SLC51A: variants seen among roughly 807,000 people sequenced by gnomAD.
The protein encoded by SLC51A is organic solute transporter subunit alpha.
A neutral mutation model predicts 34.8 loss-of-function variants in SLC51A; 22 were observed. That is an observed-to-expected ratio of 0.63 (90% CI 0.45 to 0.90). The LOEUF (loss-of-function observed/expected upper bound fraction) is 0.90. Ranked by LOEUF, SLC51A falls within the 40% of genes least tolerant of loss-of-function variation. The pLI is 0.00. For missense variants in SLC51A, 371 were observed against 414.8 expected (o/e 0.89, Z 0.92); for synonymous variants, 181 against 176.3 (o/e 1.03, Z -0.21).
intron 1 of SLC51A, among the ~76,000 whole-genome samples, chr3:196,217,345 G>A (rs140908438): frequency 2.6e-4 from 39 of 152,302 alleles, no homozygotes; most frequent in Non-Finnish European, 5.0e-4. Flanking sequence ...ACCAGTGTCT[G>A]AGCAACATGG....
rs376218632 is a variant in SLC51A at position 196,219,907 on chromosome 3, T to C, written c.133+1971T>C. ...GAAAACGGTTCTCACATTGCTTTGC[T>C]TCAGAATGTGCAAACGGAAACCCCA... On this transcript the variant is annotated intron_variant, in intron 2 of 8. Transcript: ENST00000296327. Among the ~76,000 whole-genome samples the C allele has an allele frequency of 1.5e-3, 227 of 152,376 alleles. 1 individual carries two copies. Among genetic ancestry groups the C allele is most frequent in the African/African-American group, 5.3e-3 (220 of 41,594 alleles).
rs149697879 is a variant in SLC51A, at chr3:196,221,263, A to G, written c.133+3327A>G. ...CGAAACCCTGTCTCAATTTAAAAAA[A>G]AGAGAGAGAGAAAAAAAAGCTATTA... On this transcript the variant is annotated intron_variant, in intron 2 of 8. Coordinates refer to ENST00000296327, the MANE Select transcript of SLC51A (RefSeq NM_152672.6). 2.8e-3 allele frequency among the ~76,000 whole-genome samples: 432 copies of G among 152,176 alleles called. 3 individuals are homozygous for G. The highest frequency in any genetic ancestry group is 0.01 in the African/African-American group (416 of 41,526).
chr3:196,218,035 G>A, intron 2 of SLC51A, 99 bp downstream of exon 2: 1 of 1,091,920 alleles, frequency 9.2e-7, no homozygotes, highest in Non-Finnish European at 1.4e-6. Flanking sequence ...CACCTGGGCA[G>A]CCGGGGAGAA....
At position 196,227,610 on chromosome 3, in the gene SLC51A, C is replaced by A. The variant is rs780774447; in HGVS notation, c.289-54C>A. 1.9e-6 allele frequency: 3 copies of A among 1,542,216 alleles called. No individual in the cohort carries two copies. The South Asian group carries it at 3.4e-5, about 17-fold the overall frequency. ...CTGTGTCCTTGCCGCAAAAGGCTTC[C>A]GGAGCCTCAGGGTCTCCCTCCCGCC... On this transcript the variant is annotated intron_variant, in intron 3 of 8. Transcript: ENST00000296327.
At chr3:196,232,272 T>C (rs563712911) in intron 7 of SLC51A, 147 bp from the exon 8 acceptor site, 1 of 585,844 alleles carries the variant, frequency 1.7e-6, no homozygotes, top group Non-Finnish European at 3.1e-6. Context: ...TTTAATGAAG[T>C]GAGAGCCTCA....
At chr3:196,217,547 GA>G (rs987901374) in intron 1 of SLC51A, among the ~76,000 whole-genome samples, 1 of 112,742 alleles carries the variant, frequency 8.9e-6, no homozygotes, top group African/African-American at 3.3e-5. Context: ...GTCTCAAAAA[GA>G]AAAAAAAAGA....
intron 7 of SLC51A, among the ~76,000 whole-genome samples, chr3:196,231,569 G>T (rs1034949350): frequency 6.6e-6 from 1 of 152,170 alleles, no homozygotes; most frequent in Non-Finnish European, 1.5e-5. Flanking sequence ...AGGGGCTATG[G>T]GAATAGAGAG....
intron 6 of SLC51A, 97 bp downstream of exon 6, chr3:196,229,017 C>T (rs1723966905): frequency 9.7e-7 from 1 of 1,031,002 alleles, no homozygotes; most frequent in South Asian, 1.3e-5. Context: ...GACAGAGGGC[C>T]CCAGAAAAGG....
chr3:196,227,483 G>C, intron 3 of SLC51A, 181 bp from the exon 4 acceptor site: 1 of 623,304 alleles, frequency 1.6e-6, no homozygotes, highest in African/African-American at 1.8e-5. Flanking sequence ...TGAGGCTTTT[G>C]AAACACCCTC....
chr3:196,227,783 G>A lies in SLC51A; in HGVS notation c.362+46G>A, dbSNP rs188163580. 2.3e-5 allele frequency: 35 copies of A among 1,545,528 alleles called. No individual in the cohort carries two copies. The East Asian group carries it at 4.3e-4, about 19-fold the overall frequency. On this transcript the variant is annotated intron_variant, in intron 4 of 8. Coordinates refer to ENST00000296327, the MANE Select transcript of SLC51A (RefSeq NM_152672.6). ...CACCTCCAAGGGCCCCTCTGCTCCC[G>A]CTCACCAGGACTCGAGTCCGTGTCC...
At chr3:196,232,979 C>T in intron 8 of SLC51A, 84 bp from the exon 9 acceptor site, 1 of 1,382,136 alleles carries the variant, frequency 7.2e-7, no homozygotes, top group Non-Finnish European at 1.0e-6. Context: ...GAAAGTGTTG[C>T]TCAACTCCCG....
rs1325988687 is a variant in SLC51A, at chr3:196,228,190, G to A, written c.438G>A (p.Arg146=). The A allele has an allele frequency of 1.2e-6, 2 of 1,614,148 alleles. No homozygotes were observed. The highest frequency in any genetic ancestry group is 1.1e-5 in the South Asian group (1 of 91,086). ...EGFGGKEAVL[R]TLRDTPMMVH... is the part of the protein sequence containing the mutation. Reference sequence around the variant, plus strand: ...TTGGGGGGAAGGAGGCAGTGCTGAGGACGCTGAGGGACACCCCGATGATGG... The same window carrying A: ...TTGGGGGGAAGGAGGCAGTGCTGAGAACGCTGAGGGACACCCCGATGATGG... The change falls in exon 5 of 9, where the codon AGG becomes AGA. Residue 146 remains arginine, a synonymous_variant. Coordinates refer to ENST00000296327, the MANE Select transcript of SLC51A (RefSeq NM_152672.6). This position sits in a 1 kb window ranked among gnomAD's most constrained non-coding sequence, Gnocchi z 4.9.
chr3:196,224,635 C>T (rs1011474931), intron 2 of SLC51A, among the ~76,000 whole-genome samples: 5 of 145,378 alleles, frequency 3.4e-5, no homozygotes, highest in African/African-American at 1.3e-4. Flanking sequence ...AAGATCAGAC[C>T]AGTGCACTCC....
At chr3:196,224,261 T>C (rs1156633090) in intron 2 of SLC51A, among the ~76,000 whole-genome samples, 2 of 151,870 alleles carry the variant, frequency 1.3e-5, no homozygotes, top group African/African-American at 4.8e-5. Flanking sequence ...TTCACATCAT[T>C]GTATATTTGG....
rs1422409769 is a variant in SLC51A, at chr3:196,230,635, C to A, written c.780+574C>A. On this transcript the variant is annotated intron_variant, in intron 7 of 8. Transcript: ENST00000296327. The stretch of plus-strand genomic sequence containing the variant: ...AAGTAGCTGGGATTACAGGCATGTA[C>A]CACCACGCCCGGCTAATTTTGCATT... 2.0e-5 allele frequency among the ~76,000 whole-genome samples: 3 copies of A among 151,972 alleles called. No homozygotes were observed. The East Asian group carries it at 5.8e-4, about 29-fold the overall frequency.
intron 2 of SLC51A, among the ~76,000 whole-genome samples, chr3:196,219,341 G>A (rs1723682745): frequency 1.3e-5 from 2 of 152,228 alleles, no homozygotes; most frequent in African/African-American, 4.8e-5. Flanking sequence ...AGCATGCTTA[G>A]AGAAAATGTG....
Position 196,216,807 on chromosome 3 carries a change from G to C in SLC51A, c.38+57G>C, listed in dbSNP as rs113506943. 2 of 1,517,244 alleles carry C rather than the reference G, an allele frequency of 1.3e-6. No homozygotes were observed. Among genetic ancestry groups the C allele is most frequent in the South Asian group, 2.5e-5 (2 of 81,582 alleles). The allele number at this position is 1,517,244 out of a possible 1,614,324, so 94.0% of individuals were successfully genotyped here. On this transcript the variant is annotated intron_variant, in intron 1 of 8. Coordinates refer to ENST00000296327, the MANE Select transcript of SLC51A (RefSeq NM_152672.6). This position sits in a 1 kb window ranked among gnomAD's most constrained non-coding sequence, Gnocchi z 4.5. Reference sequence around the variant, plus strand: ...GCTGGGCAGCGGTGGCCCCTATCCCGCGGCCTGTCCTCTCTCCCTCCCAGA... The same window carrying C: ...GCTGGGCAGCGGTGGCCCCTATCCCCCGGCCTGTCCTCTCTCCCTCCCAGA...
In SLC51A at chr3:196,228,473, T is replaced by G. The variant is rs1723951330; in HGVS notation, c.521+200T>G. 3 of 652,068 alleles carry G rather than the reference T, an allele frequency of 4.6e-6. No individual in the cohort carries two copies. Among genetic ancestry groups the G allele is most frequent in the Non-Finnish European group, 7.8e-6 (3 of 386,344 alleles). The allele number at this position is 652,068 out of a possible 1,614,324, so 40.4% of individuals were successfully genotyped here. A position where few individuals can be genotyped will look rare whatever the true frequency, so the allele number is the denominator to read the frequency against. The stretch of plus-strand genomic sequence containing the variant: ...AGGAGAGCTCCTCAATTGTCATCAC[T>G]GAACTTCACTGCACCCTGCAAGCCT... On this transcript the variant is annotated intron_variant, in intron 5 of 8. Coordinates refer to ENST00000296327, the MANE Select transcript of SLC51A (RefSeq NM_152672.6). The surrounding 1 kb of genome is among the most constrained non-coding windows in gnomAD (Gnocchi z 4.9).
intron 6 of SLC51A, 106 bp from the exon 7 acceptor site, chr3:196,229,809 C>T (rs1723988989): frequency 5.2e-6 from 7 of 1,349,594 alleles, no homozygotes; most frequent in South Asian, 1.5e-5. Context: ...GCTATCATTG[C>T]ACCTCTGCAC....
Sources: gnomAD v4.1 joint callset for allele counts (sites outside exome capture counted in the v4.1 genomes callset) on GRCh38, gnomAD v4.1.1 for gene constraint, Gnocchi (gnomAD v3.1) non-coding constraint, MANE v1.5 for transcripts, NCBI Gene and HGNC (gene_info 2026-07-23, HGNC 2026-07-21) for gene names.